IFT74: variants seen among roughly 807,000 people sequenced by gnomAD.
IFT74 encodes intraflagellar transport protein 74 homolog.
In IFT74, 92 loss-of-function variants were observed where a neutral mutation model predicts 96.7. The observed-to-expected ratio is 0.95, with a 90% CI of 0.80 to 1.13. IFT74 has a LOEUF of 1.13. Among genes scored for constraint, IFT74 ranks in the 50% most tolerant of loss-of-function variants. The probability of loss-of-function intolerance (pLI) is 0.00; values close to 1 mark genes in which losing one functional copy is unlikely to be tolerated. For synonymous variants in IFT74, 223 were observed against 213.2 expected, an observed-to-expected ratio of 1.05 and a Z score of -0.40; for missense variants, 811 against 698.2, an observed-to-expected ratio of 1.16 and a Z score of -1.82.
At chr9:27,015,672 A>G (rs1829304252) in intron 10 of IFT74, among the ~76,000 whole-genome samples, 2 of 152,046 alleles carry the variant, frequency 1.3e-5, no homozygotes, top group African/African-American at 4.8e-5. Context: ...CCCTTCTAAG[A>G]ATTTTATTTT....
At chr9:26,973,314 G>T (rs1826959604) in intron 2 of IFT74, among the ~76,000 whole-genome samples, 1 of 152,098 alleles carries the variant, frequency 6.6e-6, no homozygotes, top group Non-Finnish European at 1.5e-5. Context: ...GCAGGATTGG[G>T]GTATTATAGG....
chr9:26,998,349 A>G lies in IFT74; in HGVS notation c.587+8154A>G, dbSNP rs115474338. On this transcript the variant is annotated intron_variant, in intron 8 of 19. Transcript: ENST00000380062. ...CATTAGAAGGACGTTATTTTGGGAAAAAAACCTACTATCTAATATTTTGGT... is the reference window on the plus strand; with the variant it reads ...CATTAGAAGGACGTTATTTTGGGAAGAAAACCTACTATCTAATATTTTGGT... 6.2e-4 allele frequency: 385 copies of G among 624,324 alleles called. No homozygotes were observed. In the African/African-American group the frequency reaches 6.8e-3, roughly 11 times the overall value. The allele number at this position is 624,324 out of a possible 1,614,324, so 38.7% of individuals were successfully genotyped here. A position where few individuals can be genotyped will look rare whatever the true frequency, so the allele number is the denominator to read the frequency against.
intron 8 of IFT74, among the ~76,000 whole-genome samples, chr9:27,002,082 G>C (rs1433246697): frequency 6.6e-6 from 1 of 152,292 alleles, no homozygotes; most frequent in Admixed American, 6.5e-5. Context: ...TACATGGCTA[G>C]AGAAGGAGGA....
chr9:26,965,598 A>G (rs992652779), intron 2 of IFT74, among the ~76,000 whole-genome samples: 2 of 152,194 alleles, frequency 1.3e-5, no homozygotes, highest in Middle Eastern at 3.4e-3. Flanking sequence ...TTTATTGGCC[A>G]CCTACTATTT....
At chr9:26,966,209 C>A (rs935516340) in intron 2 of IFT74, among the ~76,000 whole-genome samples, 1 of 151,882 alleles carries the variant, frequency 6.6e-6, no homozygotes, top group Non-Finnish European at 1.5e-5. Flanking sequence ...ATTGCTGGAT[C>A]ATATGATAGT....
chr9:26,958,135 G>A (rs1027993729), intron 1 of IFT74, among the ~76,000 whole-genome samples: 1 of 152,182 alleles, frequency 6.6e-6, no homozygotes, highest in African/African-American at 2.4e-5. Flanking sequence ...AGATACAAGA[G>A]AGAACAAAGT....
intron 9 of IFT74, among the ~76,000 whole-genome samples, chr9:27,011,171 G>C (rs1025762924): frequency 1.3e-5 from 2 of 152,140 alleles, no homozygotes; most frequent in Non-Finnish European, 2.9e-5. Context: ...GTACTTGGTT[G>C]ATCCCGGGAG....
chr9:27,062,585 G>T, intron 19 of IFT74, 33 bp from the exon 20 acceptor site: 1 of 1,148,976 alleles, frequency 8.7e-7, no homozygotes, highest in South Asian at 1.4e-5. Flanking sequence ...GATTTTTATT[G>T]ACATTGTTTT....
intron 8 of IFT74, among the ~76,000 whole-genome samples, chr9:27,007,594 A>G (rs757935904): frequency 1.3e-5 from 2 of 152,136 alleles, no homozygotes; most frequent in Non-Finnish European, 2.9e-5. Context: ...TTGCTTTACT[A>G]TGTTCATCTT....
At chr9:27,051,906 A>G (rs1242314830) in intron 16 of IFT74, among the ~76,000 whole-genome samples, 1 of 151,948 alleles carries the variant, frequency 6.6e-6, no homozygotes, top group Non-Finnish European at 1.5e-5. Flanking sequence ...TCCTATTTTC[A>G]TTTCTTTTGG....
In IFT74 at chr9:26,984,480, ATTTAT is replaced by A. The variant is rs1827546596; in HGVS notation, c.405-13_405-9del. The A allele has an allele frequency of 1.2e-6, 2 of 1,604,600 alleles. No homozygotes were observed. The highest frequency in any genetic ancestry group is 1.1e-5 in the South Asian group (1 of 89,500). On this transcript the variant is annotated splice_polypyrimidine_tract_variant and intron_variant, in intron 5 of 19. Coordinates refer to ENST00000380062, the MANE Select transcript of IFT74 (RefSeq NM_025103.4). The stretch of plus-strand genomic sequence containing the variant: ...TTTTTATGTACATATTTATGAATGT[ATTTAT>A]TTTATGCTTTCAGGGCTGAGACTTT...
At chr9:26,948,979 G>A (rs540329491) in intron 1 of IFT74, among the ~76,000 whole-genome samples, 36 of 151,802 alleles carry the variant, frequency 2.4e-4, no homozygotes, top group African/African-American at 8.5e-4. Flanking sequence ...TTCTCCATCT[G>A]TCATAGTTCA....
intron 12 of IFT74, among the ~76,000 whole-genome samples, chr9:27,024,748 T>G (rs1475951203): frequency 2.0e-5 from 3 of 151,692 alleles, no homozygotes; most frequent in Non-Finnish European, 2.9e-5. Flanking sequence ...GAAAACCAAC[T>G]TAAAGAAATT....
chr9:26,977,566 G>C (rs572410944), intron 2 of IFT74, among the ~76,000 whole-genome samples: 1 of 152,264 alleles, frequency 6.6e-6, no homozygotes, highest in South Asian at 2.1e-4. Context: ...TCGGCTCACT[G>C]CGGCCTTGAC....
intron 19 of IFT74, among the ~76,000 whole-genome samples, chr9:27,062,321 G>A (rs182301893): frequency 2.0e-5 from 3 of 152,204 alleles, no homozygotes; most frequent in Admixed American, 2.0e-4. Context: ...TTTGAATATA[G>A]GAACTAGTTC....
intron 4 of IFT74, chr9:26,982,362 C>T (rs1264845248): frequency 2.3e-6 from 1 of 442,188 alleles, no homozygotes; most frequent in Non-Finnish European, 4.5e-6. Flanking sequence ...CGCCTGGATT[C>T]AAGTGATTCT....
chr9:27,025,299 T>C (rs1829806537), intron 12 of IFT74, among the ~76,000 whole-genome samples: 1 of 149,224 alleles, frequency 6.7e-6, no homozygotes. Context: ...AAAAATCCGC[T>C]GGGCATGGTG....
intron 8 of IFT74, among the ~76,000 whole-genome samples, chr9:27,003,485 T>C (rs1246987309): frequency 6.6e-6 from 1 of 152,000 alleles, no homozygotes; most frequent in Non-Finnish European, 1.5e-5. Flanking sequence ...ATCATGCCAC[T>C]GTGCTCCAGC....
At position 27,048,190 on chromosome 9, in the gene IFT74, G is replaced by C; in HGVS notation, c.1249G>C (p.Glu417Gln). 6.3e-7 allele frequency: 1 copy of C among 1,599,986 alleles called. No individual in the cohort carries two copies. The highest frequency in any genetic ancestry group is 1.7e-5 in the Admixed American group (1 of 59,828). The change falls in exon 16 of 20, where the codon GAG (glutamate) becomes CAG (glutamine). Residue 417 changes from glutamate (E) to glutamine (Q), a missense_variant. Physicochemically the swap from Glu to Gln is conservative, Grantham distance 29. Coordinates refer to ENST00000380062, the MANE Select transcript of IFT74 (RefSeq NM_025103.4). ...IEQISSITNQELKMMQDDLNF... is the reference protein window; with the variant it reads ...IEQISSITNQQLKMMQDDLNF... Reference sequence around the variant, plus strand: ...ACAGATATCCTCTATCACCAATCAAGAGCTAAAGATGATGCAGGATGACCT... The same window carrying C: ...ACAGATATCCTCTATCACCAATCAACAGCTAAAGATGATGCAGGATGACCT...
Sources: allele counts gnomAD v4.1 joint callset (sites outside exome capture counted in the v4.1 genomes callset), GRCh38; gene constraint gnomAD v4.1.1; transcripts MANE v1.5; gene names NCBI Gene and HGNC (gene_info 2026-07-23, HGNC 2026-07-21).